The following RBFOX1 variants were observed in gnomAD, a reference collection of about 807,000 sequenced individuals.
The protein encoded by RBFOX1 is RNA binding protein fox-1 homolog 1.
In RBFOX1, 8 loss-of-function variants were observed where a neutral mutation model predicts 57.7. The ratio of observed to expected loss-of-function variants is 0.14; its 90% CI spans 0.08 to 0.25. RBFOX1 has a LOEUF of 0.25. Ranked by LOEUF, RBFOX1 falls within the 10% of genes least tolerant of loss-of-function variation. The pLI is 1.00. For synonymous variants in RBFOX1, 326 were observed against 222.4 expected (o/e 1.47, Z -4.15); for missense variants, 611 against 548.5 (o/e 1.11, Z -1.14).
rs375562354 is a variant in RBFOX1, at chr16:6,619,066, C to G, written c.-63-35537C>G. 5.3e-5 allele frequency among the ~76,000 whole-genome samples: 8 copies of G among 152,198 alleles called. No individual in the cohort carries two copies. The East Asian group carries it at 5.8e-4, about 11-fold the overall frequency. ...AAGAGTGGACAGTGGTGATGCCACG[C>G]TGCAGAGGGTCAAGGTTGCATACCA... On this transcript the variant is annotated intron_variant, in intron 2 of 15. Transcript: ENST00000550418.
At chr16:7,655,173 T>C (rs937475832) in intron 12 of RBFOX1, among the ~76,000 whole-genome samples, 6 of 152,232 alleles carry the variant, frequency 3.9e-5, no homozygotes, top group Non-Finnish European at 8.8e-5. Context: ...TACATATTCA[T>C]TCTAAACCAG....
At chr16:6,314,543 G>A (rs546126726) in intron 1 of RBFOX1, among the ~76,000 whole-genome samples, 1 of 152,132 alleles carries the variant, frequency 6.6e-6, no homozygotes, top group Non-Finnish European at 1.5e-5. Flanking sequence ...AGTTTAGGAT[G>A]AGAGAAGGTT....
chr16:7,146,594 C>T (rs919162048), intron 4 of RBFOX1, among the ~76,000 whole-genome samples: 5 of 152,118 alleles, frequency 3.3e-5, no homozygotes, highest in Admixed American at 1.3e-4. Context: ...GAAGAATAAG[C>T]TTATGATACC....
intron 3 of RBFOX1, among the ~76,000 whole-genome samples, chr16:6,796,102 G>A (rs1329573367): frequency 6.6e-6 from 1 of 152,122 alleles, no homozygotes; most frequent in Non-Finnish European, 1.5e-5. Context: ...CCACGTGGCT[G>A]GGGAGGCCTC....
chr16:7,073,532 TG>T (rs372536776), intron 4 of RBFOX1, among the ~76,000 whole-genome samples: 2 of 152,204 alleles, frequency 1.3e-5, no homozygotes, highest in African/African-American at 4.8e-5. Flanking sequence ...AAATGTCCAA[TG>T]GTAAATGTCC....
intron 2 of RBFOX1, among the ~76,000 whole-genome samples, chr16:6,348,479 T>A (rs2795565): frequency 0.22 from 33,380 of 152,060 alleles, 4,028 homozygotes; most frequent in Middle Eastern, 0.33. Context: ...TGAGATGGTA[T>A]ATCAGCCTGT....
chr16:5,507,153 TG>T (rs1368383676), intron 2 of RBFOX1, among the ~76,000 whole-genome samples: 1 of 152,084 alleles, frequency 6.6e-6, no homozygotes, highest in African/African-American at 2.4e-5. Context: ...GTGGTCAGGA[TG>T]AAGAAAACAA....
At chr16:7,220,606 G>T (rs1487969773) in intron 4 of RBFOX1, among the ~76,000 whole-genome samples, 2 of 152,170 alleles carry the variant, frequency 1.3e-5, no homozygotes, top group Non-Finnish European at 2.9e-5. Context: ...AGGTATCATT[G>T]CTGCATCTTC....
chr16:7,326,440 A>G (rs537307584), intron 4 of RBFOX1, among the ~76,000 whole-genome samples: 22 of 152,264 alleles, frequency 1.4e-4, no homozygotes, highest in African/African-American at 4.8e-4. Context: ...TCGAACAGCA[A>G]CATCTGTATG....
chr16:7,057,317 A>C (rs1487303353), intron 4 of RBFOX1, among the ~76,000 whole-genome samples: 3 of 152,194 alleles, frequency 2.0e-5, no homozygotes, highest in Non-Finnish European at 4.4e-5. Context: ...CAGAAAAGGC[A>C]TGCAACCAGG....
At chr16:6,717,946 G>A (rs905935334) in intron 3 of RBFOX1, among the ~76,000 whole-genome samples, 3 of 152,158 alleles carry the variant, frequency 2.0e-5, no homozygotes, top group Non-Finnish European at 2.9e-5. Context: ...AGTGGTCAGT[G>A]GCTTCACAAA....
At chr16:6,315,338 G>C (rs1446521014) in intron 1 of RBFOX1, among the ~76,000 whole-genome samples, 2 of 151,042 alleles carry the variant, frequency 1.3e-5, no homozygotes, top group African/African-American at 4.9e-5. Context: ...GGGTGGATGG[G>C]TGGACGGATG....
intron 4 of RBFOX1, among the ~76,000 whole-genome samples, chr16:5,942,740 A>C (rs1383557402): frequency 6.6e-6 from 1 of 152,188 alleles, no homozygotes; most frequent in Admixed American, 6.5e-5. Context: ...TAGGTTAAAG[A>C]CAAGGTGGAG....
In RBFOX1 at chr16:6,112,687, G is replaced by A. The variant is rs143277447; in HGVS notation, c.-127+92695G>A. Among the ~76,000 whole-genome samples, 151 of 152,188 alleles carry A rather than the reference G, an allele frequency of 9.9e-4. 1 individual carries two copies. The East Asian group carries it at 0.023, about 23-fold the overall frequency. On this transcript the variant is annotated intron_variant, in intron 1 of 15. Coordinates refer to ENST00000550418, the MANE Select transcript of RBFOX1 (RefSeq NM_018723.4). ...GCCTGGGCAACAAGAGCAAAACTCCGTCTCAAAAAAACACCTGGAGCAAGT... is the reference window on the plus strand; with the variant it reads ...GCCTGGGCAACAAGAGCAAAACTCCATCTCAAAAAAACACCTGGAGCAAGT...
At chr16:6,216,645 A>G (rs2097337664) in intron 1 of RBFOX1, among the ~76,000 whole-genome samples, 2 of 151,996 alleles carry the variant, frequency 1.3e-5, no homozygotes, top group African/African-American at 4.8e-5. Flanking sequence ...TTTGATTTGT[A>G]TTTTCCTTCT....
At chr16:5,543,088 A>G (rs921398496) in intron 2 of RBFOX1, among the ~76,000 whole-genome samples, 4 of 152,232 alleles carry the variant, frequency 2.6e-5, no homozygotes, top group Admixed American at 6.5e-5. Flanking sequence ...CCAGCTGACA[A>G]ATCTTAAAAA....
chr16:6,713,372 T>C (rs1349041758), intron 3 of RBFOX1, among the ~76,000 whole-genome samples: 1 of 152,078 alleles, frequency 6.6e-6, no homozygotes, highest in African/African-American at 2.4e-5. Flanking sequence ...CACATCCCCA[T>C]CTCTCACCAA....
intron 4 of RBFOX1, among the ~76,000 whole-genome samples, chr16:7,482,374 G>T (rs778892353): frequency 1.3e-5 from 2 of 151,986 alleles, no homozygotes; most frequent in African/African-American, 2.4e-5. Context: ...TGTTCAGTCC[G>T]CACAGCTGAC....
chr16:5,648,044 G>C (rs2049107324), intron 3 of RBFOX1, among the ~76,000 whole-genome samples: 2 of 152,106 alleles, frequency 1.3e-5, no homozygotes. Flanking sequence ...ATTTTTGGTA[G>C]AGACAGGGTT....
Sources: gnomAD v4.1 joint callset for allele counts (sites outside exome capture counted in the v4.1 genomes callset) on GRCh38, gnomAD v4.1.1 for gene constraint, MANE v1.5 for transcripts, NCBI Gene and HGNC (gene_info 2026-07-23, HGNC 2026-07-21) for gene names.